The following SEZ6L variants were observed in gnomAD, a reference collection of about 807,000 sequenced individuals.
The protein encoded by SEZ6L is seizure 6-like protein.
Under a neutral mutation model 106.2 loss-of-function variants are expected in SEZ6L, and 37 were observed. The observed-to-expected ratio is 0.35, with a 90% CI of 0.27 to 0.46. The LOEUF (loss-of-function observed/expected upper bound fraction) is 0.46. SEZ6L is among the 20% of genes least tolerant of loss of function. The pLI, the probability that SEZ6L is intolerant of heterozygous loss-of-function variation, is 1.00. For synonymous variants in SEZ6L, 541 were observed against 570.4 expected (o/e 0.95, Z 0.73); for missense variants, 1,172 against 1,332.8 (o/e 0.88, Z 1.88).
chr22:26,330,400 G>A (rs652987), intron 9 of SEZ6L, among the ~76,000 whole-genome samples: 35,658 of 152,102 alleles, frequency 0.23, 4,483 homozygotes, highest in African/African-American at 0.28. Context: ...GCCTTGAAAA[G>A]CCACTTGAAA....
intron 15 of SEZ6L, among the ~76,000 whole-genome samples, chr22:26,377,288 T>C (rs738400): frequency 0.49 from 74,882 of 151,660 alleles, 19,761 homozygotes; most frequent in East Asian, 0.94. Flanking sequence ...AATAAATAAA[T>C]AGGTGGTCAA....
chr22:26,351,339 G>A, intron 12 of SEZ6L, 96 bp downstream of exon 12: 1 of 1,109,036 alleles, frequency 9.0e-7, no homozygotes, highest in Non-Finnish European at 1.3e-6. Flanking sequence ...GAGGCCTTCT[G>A]CTTTTCGACA....
chr22:26,185,673 G>A (rs898000685), intron 1 of SEZ6L, among the ~76,000 whole-genome samples: 2 of 152,002 alleles, frequency 1.3e-5, no homozygotes, highest in African/African-American at 4.8e-5. Context: ...TGATAATTAT[G>A]TCCACCATTT....
intron 5 of SEZ6L, among the ~76,000 whole-genome samples, chr22:26,304,226 C>A (rs1243511846): frequency 1.3e-5 from 2 of 151,778 alleles, no homozygotes; most frequent in African/African-American, 4.8e-5. Context: ...GTGGTGGGCA[C>A]CTGTAATCCC....
chr22:26,334,759 T>C lies in SEZ6L; in HGVS notation c.2016-5677T>C, dbSNP rs541240576. Among the ~76,000 whole-genome samples the C allele has an allele frequency of 8.4e-4, 128 of 152,282 alleles. 1 individual carries two copies. The highest frequency in any genetic ancestry group is 2.8e-3 in the African/African-American group (117 of 41,564). ...GATCTTCTGCCAGGAGCTCACACTT[T>C]GTGCCTGTGGAAAGCCTTTCACTCT... On this transcript the variant is annotated intron_variant, in intron 9 of 16. Coordinates refer to ENST00000248933, the MANE Select transcript of SEZ6L (RefSeq NM_021115.5).
chr22:26,302,143 G>A (rs1043641926), intron 5 of SEZ6L, among the ~76,000 whole-genome samples: 2 of 152,176 alleles, frequency 1.3e-5, no homozygotes, highest in Non-Finnish European at 2.9e-5. Context: ...TTGAAGTGGC[G>A]AACTTAGTCC....
At chr22:26,253,800 T>C (rs1030777200) in intron 1 of SEZ6L, among the ~76,000 whole-genome samples, 9 of 152,240 alleles carry the variant, frequency 5.9e-5, no homozygotes, top group African/African-American at 1.9e-4. Flanking sequence ...ACAGTATATC[T>C]GCAGTATTAA....
At chr22:26,252,050 C>T (rs12159774) in intron 1 of SEZ6L, among the ~76,000 whole-genome samples, 3,484 of 152,190 alleles carry the variant, frequency 0.023, 132 homozygotes, top group African/African-American at 0.08. Flanking sequence ...GCAGCATCAG[C>T]GACAGCAGCA....
intron 6 of SEZ6L, 120 bp from the exon 7 acceptor site, chr22:26,310,550 G>A: frequency 1.8e-6 from 2 of 1,085,062 alleles, no homozygotes; most frequent in Non-Finnish European, 2.7e-6. Context: ...AAAAGAGGCA[G>A]AGTTAGGTTT....
At chr22:26,225,196 G>T (rs907642160) in intron 1 of SEZ6L, among the ~76,000 whole-genome samples, 11 of 152,184 alleles carry the variant, frequency 7.2e-5, no homozygotes, top group Non-Finnish European at 1.5e-4. Flanking sequence ...GATTAGCTTG[G>T]TGCAGCTCTC....
rs1239787634 is a variant in SEZ6L, at chr22:26,292,802, C to G, written c.491C>G (p.Pro164Arg). Residue 164 changes from proline (P) to arginine (R), a missense_variant, in exon 2 of 17, where the codon CCT (proline) becomes CGT (arginine). Pro to Arg is a moderately radical substitution (Grantham distance 103). Transcript: ENST00000248933. ...CTCCTCTCCTCCTCCACGGAGAAGC[C>G]TGGCCCACCGGGGGACCCGGACCCC... is the stretch of plus-strand genomic sequence containing the variant. Reference protein sequence around the residue: ...LDLLSSSTEKPGPPGDPDPIV... With the variant: ...LDLLSSSTEKRGPPGDPDPIV... The G allele has an allele frequency of 6.2e-7, 1 of 1,614,066 alleles. No individual in the cohort carries two copies. The highest frequency in any genetic ancestry group is 1.7e-5 in the Admixed American group (1 of 60,032).
intron 1 of SEZ6L, among the ~76,000 whole-genome samples, chr22:26,198,051 C>A (rs1281094191): frequency 6.6e-6 from 1 of 152,192 alleles, no homozygotes; most frequent in African/African-American, 2.4e-5. Flanking sequence ...AAAGGAGAAG[C>A]TACTGGTCTA....
intron 13 of SEZ6L, 104 bp downstream of exon 13, chr22:26,365,670 C>T (rs946228669): frequency 2.4e-5 from 24 of 1,008,044 alleles, no homozygotes; most frequent in Middle Eastern, 3.4e-4. Flanking sequence ...ACTAGGAGTT[C>T]GAGACCAGCC....
rs560272867 is a variant in SEZ6L, at chr22:26,270,267, T to A, written c.95-22139T>A. Among the ~76,000 whole-genome samples the A allele has an allele frequency of 1.1e-4, 17 of 152,322 alleles. No individual in the cohort carries two copies. The South Asian group carries it at 3.5e-3, about 32-fold the overall frequency. ...ATGGAGATATTATTGCTGTTGTTCT[T>A]GTTGTCATCTTTGTTTCTTCCTGGG... On this transcript the variant is annotated intron_variant, in intron 1 of 16. Coordinates refer to ENST00000248933, the MANE Select transcript of SEZ6L (RefSeq NM_021115.5).
intron 1 of SEZ6L, among the ~76,000 whole-genome samples, chr22:26,189,958 G>GT (rs1569364283): frequency 6.6e-6 from 1 of 152,002 alleles, no homozygotes; most frequent in Non-Finnish European, 1.5e-5. Flanking sequence ...TTAGCTGGGC[G>GT]TGGTGGCGGG....
chr22:26,261,617 AT>A (rs1477369544), intron 1 of SEZ6L, among the ~76,000 whole-genome samples: 1 of 152,204 alleles, frequency 6.6e-6, no homozygotes, highest in Non-Finnish European at 1.5e-5. Flanking sequence ...GAAATTTACA[AT>A]CTAATGAGGA....
chr22:26,248,281 A>G (rs2079434756), intron 1 of SEZ6L, among the ~76,000 whole-genome samples: 1 of 152,216 alleles, frequency 6.6e-6, no homozygotes, highest in South Asian at 2.1e-4. Flanking sequence ...TTCCTACCTC[A>G]TAGCATTGGA....
At chr22:26,184,602 C>A (rs1224293240) in intron 1 of SEZ6L, among the ~76,000 whole-genome samples, 1 of 152,182 alleles carries the variant, frequency 6.6e-6, no homozygotes, top group African/African-American at 2.4e-5. Context: ...GAAATGTATA[C>A]TCCCTGTGAT....
intron 1 of SEZ6L, among the ~76,000 whole-genome samples, chr22:26,198,013 T>A (rs1940689862): frequency 6.6e-6 from 1 of 152,244 alleles, no homozygotes; most frequent in Non-Finnish European, 1.5e-5. Context: ...CCTGAAGATT[T>A]GACCAAACTT....
Sources: gnomAD v4.1 joint callset for allele counts (sites outside exome capture counted in the v4.1 genomes callset) on GRCh38, gnomAD v4.1.1 for gene constraint, MANE v1.5 for transcripts, NCBI Gene and HGNC (gene_info 2026-07-23, HGNC 2026-07-21) for gene names.